ANKRD6: variants seen among roughly 807,000 people sequenced by gnomAD.
ANKRD6 encodes ankyrin repeat domain-containing protein 6.
A neutral mutation model predicts 82.3 loss-of-function variants in ANKRD6; 56 were observed. That is an observed-to-expected ratio of 0.68 (90% CI 0.55 to 0.85). ANKRD6 has a LOEUF of 0.85. ANKRD6 is among the 40% of genes least tolerant of loss of function. The pLI, the probability that ANKRD6 is intolerant of heterozygous loss-of-function variation, is 0.00. For synonymous variants in ANKRD6, 347 were observed against 352.1 expected (o/e 0.99, Z 0.16); for missense variants, 852 against 907.6 (o/e 0.94, Z 0.79).
chr6:89,479,535 G>A (rs1232825550), intron 1 of ANKRD6, among the ~76,000 whole-genome samples: 3 of 151,898 alleles, frequency 2.0e-5, no homozygotes, highest in South Asian at 2.1e-4. Flanking sequence ...AAATAGTGCT[G>A]TAGCATACAT....
chr6:89,532,758 A>G (rs1354298617), intron 1 of ANKRD6, among the ~76,000 whole-genome samples: 1 of 151,974 alleles, frequency 6.6e-6, no homozygotes, highest in Non-Finnish European at 1.5e-5. Context: ...TTGGAGTGCA[A>G]TGGCACGATC....
At chr6:89,519,004 A>C (rs1781571686) in intron 1 of ANKRD6, among the ~76,000 whole-genome samples, 1 of 152,064 alleles carries the variant, frequency 6.6e-6, no homozygotes, top group Non-Finnish European at 1.5e-5. Flanking sequence ...GTGCACTTAC[A>C]TCTCTGATGT....
chr6:89,446,985 G>C (rs1772174741), intron 1 of ANKRD6, among the ~76,000 whole-genome samples: 1 of 152,166 alleles, frequency 6.6e-6, no homozygotes, highest in African/African-American at 2.4e-5. Flanking sequence ...CTGCGGAACT[G>C]AGTCAATTAA....
At chr6:89,554,235 G>T (rs913042046) in intron 1 of ANKRD6, among the ~76,000 whole-genome samples, 1 of 152,190 alleles carries the variant, frequency 6.6e-6, no homozygotes, top group African/African-American at 2.4e-5. Flanking sequence ...TGGTGAGGTC[G>T]CATTGCCTCT....
intron 1 of ANKRD6, among the ~76,000 whole-genome samples, chr6:89,446,352 C>CTAAA (rs1171861563): frequency 1.3e-4 from 20 of 151,988 alleles, no homozygotes; most frequent in African/African-American, 4.6e-4. Flanking sequence ...AACTTTGTCT[C>CTAAA]TAAATAAATA....
intron 2 of ANKRD6, among the ~76,000 whole-genome samples, chr6:89,572,489 C>T (rs1790146475): frequency 6.6e-6 from 1 of 152,152 alleles, no homozygotes; most frequent in Admixed American, 6.5e-5. Flanking sequence ...TGTCTTTTTA[C>T]TCTGCTGATT....
At chr6:89,442,144 C>T (rs545917688) in intron 1 of ANKRD6, among the ~76,000 whole-genome samples, 15 of 152,116 alleles carry the variant, frequency 9.9e-5, no homozygotes, top group African/African-American at 2.6e-4. Flanking sequence ...TACACGCATG[C>T]GCTCCCACAC....
Position 89,631,145 on chromosome 6 carries a change from G to T in ANKRD6, c.*141G>T. 7.3e-7 allele frequency: 1 copy of T among 1,363,448 alleles called. No homozygotes were observed. Among genetic ancestry groups the T allele is most frequent in the Non-Finnish European group, 9.5e-7 (1 of 1,052,128 alleles). 84.5% of individuals were successfully genotyped at this position (1,363,448 alleles called of 1,614,324 possible). ...AAATCACTAATTCTACAATGTGCCA[G>T]ATACATGTTTCCTATGCCCAGGAAG... On this transcript the variant is annotated 3_prime_UTR_variant, in exon 16 of 16. Transcript: ENST00000339746.
intron 1 of ANKRD6, among the ~76,000 whole-genome samples, chr6:89,493,759 A>G (rs929394382): frequency 2.6e-5 from 4 of 152,110 alleles, no homozygotes; most frequent in Non-Finnish European, 5.9e-5. Context: ...TTTAGGGCCC[A>G]CTGTGATAAT....
chr6:89,545,622 G>A (rs992075727), intron 1 of ANKRD6, among the ~76,000 whole-genome samples: 2 of 152,150 alleles, frequency 1.3e-5, no homozygotes, highest in African/African-American at 4.8e-5. Context: ...AGGAATCTCA[G>A]GAGGCCAAGT....
chr6:89,481,737 ACTGCTG>A (rs758828163), intron 1 of ANKRD6, among the ~76,000 whole-genome samples: 1 of 151,880 alleles, frequency 6.6e-6, no homozygotes, highest in African/African-American at 2.4e-5. Flanking sequence ...TGCTGGTGGT[ACTGCTG>A]CTGCTGCTGG....
Position 89,455,358 on chromosome 6 carries a change from A to T in ANKRD6, c.-144+21983A>T, listed in dbSNP as rs186714437. ...AGCTTTTACTCATGGTGGAAGGTGA[A>T]GGGGGAGCAGGCACTTCACATGGTG... is the stretch of plus-strand genomic sequence containing the variant. On this transcript the variant is annotated intron_variant, in intron 1 of 15. Transcript: ENST00000339746. Among the ~76,000 whole-genome samples the T allele has an allele frequency of 2.2e-3, 339 of 152,138 alleles. 1 individual carries two copies. The highest frequency in any genetic ancestry group is 7.9e-3 in the African/African-American group (328 of 41,506).
intron 1 of ANKRD6, among the ~76,000 whole-genome samples, chr6:89,517,726 A>G (rs1256383914): frequency 6.6e-6 from 1 of 152,232 alleles, no homozygotes; most frequent in East Asian, 1.9e-4. Context: ...TACTTTTTAA[A>G]AGAGAAAACT....
chr6:89,558,069 C>T (rs1376706471), intron 1 of ANKRD6, among the ~76,000 whole-genome samples: 1 of 152,054 alleles, frequency 6.6e-6, no homozygotes, highest in African/African-American at 2.4e-5. Flanking sequence ...CCATTGTTCC[C>T]CACTGCTGAG....
At chr6:89,577,588 A>G (rs1184784413) in intron 2 of ANKRD6, among the ~76,000 whole-genome samples, 1 of 152,184 alleles carries the variant, frequency 6.6e-6, no homozygotes, top group Non-Finnish European at 1.5e-5. Context: ...CCCCAGGCAG[A>G]GTATCATTTC....
At chr6:89,559,225 G>T (rs902139196) in intron 1 of ANKRD6, among the ~76,000 whole-genome samples, 1 of 152,164 alleles carries the variant, frequency 6.6e-6, no homozygotes, top group African/African-American at 2.4e-5. Flanking sequence ...TCCAGCTGCA[G>T]TTGTCTCTTT....
chr6:89,589,390 C>T (rs373021600), intron 2 of ANKRD6, among the ~76,000 whole-genome samples: 21 of 152,300 alleles, frequency 1.4e-4, no homozygotes, highest in African/African-American at 4.3e-4. Context: ...TCTGACATAA[C>T]GCCTTGGTCT....
At chr6:89,591,250 C>A (rs555871031) in intron 2 of ANKRD6, among the ~76,000 whole-genome samples, 93 of 152,082 alleles carry the variant, frequency 6.1e-4, no homozygotes, top group Admixed American at 1.2e-3. Context: ...ACTACAGGCG[C>A]ACAAAACAAC....
chr6:89,598,754 T>G (rs1011290413), intron 3 of ANKRD6, among the ~76,000 whole-genome samples: 8 of 152,180 alleles, frequency 5.3e-5, no homozygotes, highest in Non-Finnish European at 1.2e-4. Context: ...AACTGCAAGG[T>G]TGCAGGCCCT....
Sources: gnomAD v4.1 joint callset for allele counts (sites outside exome capture counted in the v4.1 genomes callset) on GRCh38, gnomAD v4.1.1 for gene constraint, MANE v1.5 for transcripts, NCBI Gene and HGNC (gene_info 2026-07-23, HGNC 2026-07-21) for gene names.